The following TCF12 variants were observed in gnomAD, a reference collection of about 807,000 sequenced individuals.
TCF12 encodes the protein DNA-binding protein HTF4.
In TCF12, 45 loss-of-function variants were observed where a neutral mutation model predicts 86.0. The observed-to-expected ratio is 0.52, with a 90% CI of 0.41 to 0.67. TCF12 has a LOEUF of 0.67. Among genes scored for constraint, TCF12 ranks in the 30% least tolerant of loss-of-function variants. The probability of loss-of-function intolerance (pLI) is 0.00; values close to 1 mark genes in which losing one functional copy is unlikely to be tolerated. For synonymous variants in TCF12, 330 were observed against 299.6 expected (o/e 1.10, Z -1.05); for missense variants, 881 against 859.9 (o/e 1.02, Z -0.31).
intron 5 of TCF12, among the ~76,000 whole-genome samples, chr15:57,132,968 G>A (rs1319333820): frequency 6.6e-6 from 1 of 152,180 alleles, no homozygotes; most frequent in Non-Finnish European, 1.5e-5. Context: ...GGAAAACAAA[G>A]CCAGTGACTC....
chr15:57,166,736 A>T (rs928122569), intron 6 of TCF12, among the ~76,000 whole-genome samples: 4 of 152,168 alleles, frequency 2.6e-5, no homozygotes, highest in Non-Finnish European at 5.9e-5. Context: ...TTTCTGAGAA[A>T]TTTTTTTGCA....
chr15:57,170,685 ATATAATATATAT>A (rs1567558146), intron 6 of TCF12, among the ~76,000 whole-genome samples: 1 of 17,578 alleles, frequency 5.7e-5, no homozygotes, highest in Non-Finnish European at 8.5e-5. Context: ...AATATATTAT[ATATAATATATAT>A]TATATATAAT....
intron 5 of TCF12, among the ~76,000 whole-genome samples, chr15:57,123,383 C>T (rs1297239897): frequency 6.6e-6 from 1 of 152,174 alleles, no homozygotes; most frequent in Non-Finnish European, 1.5e-5. Flanking sequence ...ATTTGGGATA[C>T]TAACACAGAG....
intron 5 of TCF12, among the ~76,000 whole-genome samples, chr15:57,111,619 TCTCA>T: frequency 7.0e-6 from 1 of 143,282 alleles, no homozygotes; most frequent in East Asian, 2.0e-4. Context: ...TAAGATAGGG[TCTCA>T]CTCTGTCTCC....
chr15:57,221,610 G>C (rs962960190), intron 8 of TCF12, among the ~76,000 whole-genome samples: 6 of 152,116 alleles, frequency 3.9e-5, no homozygotes, highest in Admixed American at 2.6e-4. Flanking sequence ...GTATGGTAGA[G>C]AGCCTGGAAA....
chr15:57,161,146 T>C (rs1315595075), intron 5 of TCF12, among the ~76,000 whole-genome samples: 2 of 152,250 alleles, frequency 1.3e-5, no homozygotes, highest in African/African-American at 4.8e-5. Flanking sequence ...GAACTGTGCC[T>C]GTCCACTCCC....
At position 57,221,383 on chromosome 15, in the gene TCF12, G is replaced by GGTGTGTGTGT. The variant is rs144351636; in HGVS notation, c.580-9749_580-9740dup. Among the ~76,000 whole-genome samples, 473 of 148,736 alleles carry GGTGTGTGTGT rather than the reference G, an allele frequency of 3.2e-3. 6 individuals are homozygous for GGTGTGTGTGT. Among genetic ancestry groups the GGTGTGTGTGT allele is most frequent in the African/African-American group, 7.8e-3 (314 of 40,400 alleles). ...ACATGGTATGTGGGTATGTGTGTGGGGTGTGTGTGTGTGTGTGTGTGTGTG... is the reference window on the plus strand; with the variant it reads ...ACATGGTATGTGGGTATGTGTGTGGGGTGTGTGTGTGTGTGTGTGTGTGTGTGTGTGTGTG... On this transcript the variant is annotated intron_variant, in intron 8 of 20. Coordinates refer to ENST00000333725, the MANE Select transcript of TCF12 (RefSeq NM_207037.2).
chr15:57,183,196 C>T (rs1224411816), intron 6 of TCF12, among the ~76,000 whole-genome samples: 1 of 152,130 alleles, frequency 6.6e-6, no homozygotes, highest in Non-Finnish European at 1.5e-5. Context: ...ATACAATGAA[C>T]ACCCATGTGA....
chr15:57,132,444 A>C (rs1567486439), intron 5 of TCF12, among the ~76,000 whole-genome samples: 3 of 152,186 alleles, frequency 2.0e-5, no homozygotes, highest in African/African-American at 7.2e-5. Flanking sequence ...AGCAAAAATT[A>C]ATCACCCAAG....
chr15:57,255,146 T>C (rs2060291032), intron 16 of TCF12, among the ~76,000 whole-genome samples: 1 of 152,202 alleles, frequency 6.6e-6, no homozygotes, highest in Admixed American at 6.5e-5. Context: ...AGCTTACTGC[T>C]CCTATTCCAA....
intron 3 of TCF12, among the ~76,000 whole-genome samples, chr15:56,928,295 T>C (rs537432605): frequency 9.9e-5 from 15 of 152,242 alleles, no homozygotes; most frequent in African/African-American, 3.6e-4. Flanking sequence ...AAATGGTAGC[T>C]GCTATTATTG....
In TCF12 at chr15:56,919,958, G is replaced by T; in HGVS notation, c.45G>T (p.Lys15Asn). The change falls in exon 2 of 21, where the codon AAG (lysine) becomes AAT (asparagine). Residue 15 changes from lysine to asparagine, a missense_variant. This residue lies in a region of TCF12 where 766 missense variants were observed against 718.9 expected (regional missense o/e 1.07). Coordinates refer to ENST00000333725, the MANE Select transcript of TCF12 (RefSeq NM_207037.2). ...GCATGGCCGCTATAGGGACCGACAA[G>T]GAGCTGAGCGACCTACTGGACTTCA... is the stretch of plus-strand genomic sequence containing the variant. ...QQRMAAIGTD[K>N]ELSDLLDFSA... 6.2e-7 allele frequency: 1 copy of T among 1,614,114 alleles called. No homozygotes were observed. The highest frequency in any genetic ancestry group is 8.5e-7 in the Non-Finnish European group (1 of 1,179,998).
intron 6 of TCF12, among the ~76,000 whole-genome samples, chr15:57,184,152 A>AG (rs2056527842): frequency 6.6e-6 from 1 of 152,148 alleles, no homozygotes; most frequent in African/African-American, 2.4e-5. Context: ...GCCAAAAAAA[A>AG]AAAAGTTCTA....
intron 3 of TCF12, among the ~76,000 whole-genome samples, chr15:56,944,314 G>C (rs565219011): frequency 6.6e-6 from 1 of 152,282 alleles, no homozygotes; most frequent in East Asian, 1.9e-4. Flanking sequence ...GGTTGGAACA[G>C]AATTAAGTGA....
intron 4 of TCF12, among the ~76,000 whole-genome samples, chr15:57,077,383 T>TA (rs1596416650): frequency 1.6e-5 from 1 of 63,364 alleles, no homozygotes; most frequent in Admixed American, 1.5e-4. Context: ...GTATATATAT[T>TA]TTTTTTTTTT....
At chr15:57,047,702 T>TGAATA (rs1238521922) in intron 3 of TCF12, among the ~76,000 whole-genome samples, 3 of 152,250 alleles carry the variant, frequency 2.0e-5, no homozygotes, top group Non-Finnish European at 4.4e-5. Context: ...AAAACCTTTT[T>TGAATA]TCCTCTTGAA....
intron 10 of TCF12, 65 bp downstream of exon 10, chr15:57,232,495 T>G (rs1334107699): frequency 3.3e-6 from 5 of 1,526,018 alleles, no homozygotes; most frequent in Non-Finnish European, 3.5e-6. Flanking sequence ...CTTTTTGGAT[T>G]AGAAGTGTAA....
chr15:57,024,559 G>C (rs2141283198), intron 3 of TCF12, among the ~76,000 whole-genome samples: 1 of 152,220 alleles, frequency 6.6e-6, no homozygotes, highest in South Asian at 2.1e-4. Context: ...TGAAAAATAA[G>C]ATACAAGAGA....
intron 8 of TCF12, among the ~76,000 whole-genome samples, chr15:57,221,996 C>A (rs777709484): frequency 2.0e-5 from 3 of 151,890 alleles, no homozygotes; most frequent in Non-Finnish European, 4.4e-5. Context: ...TATGTCTTCA[C>A]TTAAGTTATA....
Sources: allele counts gnomAD v4.1 joint callset (sites outside exome capture counted in the v4.1 genomes callset), GRCh38; gene constraint gnomAD v4.1.1; regional missense constraint gnomAD v4.1.1; transcripts MANE v1.5; gene names NCBI Gene and HGNC (gene_info 2026-07-23, HGNC 2026-07-21).